The following DNASE1 variants were observed in gnomAD, a reference collection of about 807,000 sequenced individuals.
DNASE1 encodes deoxyribonuclease-1.
In DNASE1, 40 loss-of-function variants were observed where a neutral mutation model predicts 33.9. The ratio of observed to expected loss-of-function variants is 1.18; its 90% CI spans 0.92 to 1.54. The LOEUF (loss-of-function observed/expected upper bound fraction) is 1.54, where lower values mean the gene tolerates loss of function less well. Among genes scored for constraint, DNASE1 ranks in the 40% most tolerant of loss-of-function variants. The pLI is 0.00. For missense variants in DNASE1, 518 were observed against 372.6 expected, an observed-to-expected ratio of 1.39 and a Z score of -3.21; for synonymous variants, 216 against 160.0, an observed-to-expected ratio of 1.35 and a Z score of -2.64.
rs147135526 is a variant in DNASE1, at chr16:3,664,366, C to T, written c.*6413C>T. On this transcript the variant is annotated 3_prime_UTR_variant, in exon 10 of 10. Transcript: ENST00000407479. ...CACAGGTAGTAGATGTTGCGGGTGC[C>T]GGCCCGCATGCGGCTGGCGTATTCT... The T allele has an allele frequency of 7.6e-5, 122 of 1,612,748 alleles. No homozygotes were observed. The highest frequency in any genetic ancestry group is 2.8e-4 in the Admixed American group (17 of 59,818).
chr16:3,653,624 T>C (rs1567205473), upstream of DNASE1: 1 of 151,806 alleles, frequency 6.6e-6, no homozygotes, highest in Admixed American at 6.6e-5. Context: ...GTGACCAACA[T>C]GGTGAAACCC....
chr16:3,613,915 T>TC lies in DNASE1; in HGVS notation c.-1359+1909_-1359+1910insC, dbSNP rs1377545522. ...CGCAACCGCGCCTGGCTAATTTTTT[T>TC]TTTTTTTTTTTTTTTTGGACAAAAT... is the stretch of plus-strand genomic sequence containing the variant. On this transcript the variant is annotated intron_variant and NMD_transcript_variant, in intron 1 of 11. Transcript: ENST00000570769. 3.5e-5 allele frequency among the ~76,000 whole-genome samples: 5 copies of TC among 142,974 alleles called. No homozygotes were observed. In the East Asian group the frequency reaches 1.2e-3, roughly 35 times the overall value. The allele number at this position is 142,974 out of a possible 152,430, so 93.8% of individuals were successfully genotyped here. A position where few individuals can be genotyped will look rare whatever the true frequency, so the allele number is the denominator to read the frequency against.
intron 1 of DNASE1, among the ~76,000 whole-genome samples, chr16:3,636,811 CTCTG>C (rs2041880917): frequency 6.6e-6 from 1 of 151,096 alleles, no homozygotes; most frequent in Admixed American, 6.6e-5. Context: ...CAGAGTGAGA[CTCTG>C]TCTGGGGAAA....
chr16:3,630,097 C>T (rs1021161434), intron 1 of DNASE1, among the ~76,000 whole-genome samples: 33 of 152,138 alleles, frequency 2.2e-4, no homozygotes, highest in Admixed American at 7.9e-4. Flanking sequence ...GGCTTGCAGG[C>T]GTGAGCCACC....
At chr16:3,627,490 C>A (rs994475757) in intron 1 of DNASE1, among the ~76,000 whole-genome samples, 7 of 151,672 alleles carry the variant, frequency 4.6e-5, no homozygotes, top group Non-Finnish European at 8.8e-5. Context: ...TTGCTCAGGC[C>A]CGTCTGGAAC....
Position 3,657,723 on chromosome 16 carries a change from C to G in DNASE1, c.708C>G (p.Ile236Met). The stretch of plus-strand genomic sequence containing the variant: ...TTCTCTTCCCAACACCCATCAGGAT[C>G]GTGGTTGCAGGGATGCTGCTCCGAG... ...ATPTHCAYDR[I>M]VVAGMLLRGA... is the part of the protein sequence containing the mutation. The change falls in exon 8 of 9, where the codon ATC becomes ATG. Residue 236 changes from isoleucine (I) to methionine (M), a missense_variant. Transcript: ENST00000246949. The G allele has an allele frequency of 6.2e-7, 1 of 1,614,026 alleles. No homozygotes were observed. The highest frequency in any genetic ancestry group is 8.5e-7 in the Non-Finnish European group (1 of 1,180,004).
At chr16:3,624,850 G>C (rs985175644) in intron 1 of DNASE1, among the ~76,000 whole-genome samples, 1 of 152,048 alleles carries the variant, frequency 6.6e-6, no homozygotes, top group Non-Finnish European at 1.5e-5. Flanking sequence ...CAGCACACCT[G>C]GCTAATTTTT....
intron 1 of DNASE1, among the ~76,000 whole-genome samples, chr16:3,615,934 C>G (rs1291452587): frequency 6.6e-6 from 1 of 152,186 alleles, no homozygotes; most frequent in Non-Finnish European, 1.5e-5. Context: ...CTGTCCACCT[C>G]CCTCTCCTTT....
Position 3,628,589 on chromosome 16 carries a change from G to A in DNASE1, c.-1358-12126G>A, listed in dbSNP as rs185365574. Among the ~76,000 whole-genome samples, 387 of 150,762 alleles carry A rather than the reference G, an allele frequency of 2.6e-3. 3 individuals carry two copies. The highest frequency in any genetic ancestry group is 9.0e-3 in the African/African-American group (371 of 41,152). ...TCTTTTTTTTTTGAGATGGAATCTC[G>A]CTGTGTCGCCCAGGCTGGAGTGCAG... On this transcript the variant is annotated intron_variant and NMD_transcript_variant, in intron 1 of 11. Transcript: ENST00000570769.
exon 10 of DNASE1, chr16:3,664,063 A>AAAAAAAC: frequency 1.8e-6 from 1 of 544,578 alleles, no homozygotes; most frequent in South Asian, 2.8e-5. Flanking sequence ...ACTCCATCTC[A>AAAAAAAC]AAAAAACAAA....
upstream of DNASE1, chr16:3,650,757 G>A (rs948776273): frequency 1.3e-5 from 2 of 152,172 alleles, no homozygotes; most frequent in African/African-American, 4.8e-5. Flanking sequence ...TATTTGTTTA[G>A]TCATGGGATG....
upstream of DNASE1, among the ~76,000 whole-genome samples, chr16:3,649,837 C>T (rs564671358): frequency 2.6e-5 from 4 of 151,030 alleles, no homozygotes; most frequent in Admixed American, 6.6e-5. Context: ...TAAGTTAAAT[C>T]GGTAGAAATT....
chr16:3,662,030 C>T (rs760656999), downstream of DNASE1: 3 of 1,613,064 alleles, frequency 1.9e-6, no homozygotes, highest in East Asian at 2.2e-5. Flanking sequence ...TGTGCGCGCT[C>T]CTCCTGGGTC....
Position 3,657,618 on chromosome 16 carries a change from C to G in DNASE1, c.705-102C>G, listed in dbSNP as rs752448747. The G allele has an allele frequency of 1.5e-5, 23 of 1,514,130 alleles. No homozygotes were observed. The African/African-American group carries it at 2.2e-4, about 15-fold the overall frequency. The allele number at this position is 1,514,130 out of a possible 1,614,324, so 93.8% of individuals were successfully genotyped here. Reference sequence around the variant, plus strand: ...TGTGCAGTTTTGGGCACCCACAGACCTGCACTGGCAGGTCCCAGGGCTCTT... The same window carrying G: ...TGTGCAGTTTTGGGCACCCACAGACGTGCACTGGCAGGTCCCAGGGCTCTT... On this transcript the variant is annotated intron_variant, in intron 7 of 8. Transcript: ENST00000246949.
intron 1 of DNASE1, among the ~76,000 whole-genome samples, chr16:3,646,218 G>T (rs1187132971): frequency 1.3e-5 from 2 of 152,124 alleles, no homozygotes; most frequent in South Asian, 2.1e-4. Context: ...TTTCTCTGGG[G>T]GGGGTCTGCG....
intron 1 of DNASE1, 129 bp downstream of exon 1, chr16:3,655,173 G>A: frequency 1.4e-6 from 1 of 694,912 alleles, no homozygotes; most frequent in Non-Finnish European, 2.4e-6. Flanking sequence ...TTTTCTGGTG[G>A]ATGGAGGAGT....
intron 1 of DNASE1, among the ~76,000 whole-genome samples, chr16:3,646,581 GGCAGA>G (rs1235601826): frequency 6.6e-6 from 1 of 152,186 alleles, no homozygotes; most frequent in African/African-American, 2.4e-5. Flanking sequence ...CAGCTCTGCA[GGCAGA>G]GCGGAAGGCT....
intron 4 of DNASE1, 40 bp downstream of exon 4, chr16:3,656,225 G>A: frequency 6.3e-7 from 1 of 1,596,112 alleles, no homozygotes; most frequent in Admixed American, 1.7e-5. Context: ...TCCCTCACCT[G>A]GGAGGGCCCC....
At chr16:3,627,849 G>C (rs1281632506) in intron 1 of DNASE1, among the ~76,000 whole-genome samples, 1 of 147,028 alleles carries the variant, frequency 6.8e-6, no homozygotes, top group Non-Finnish European at 1.5e-5. Context: ...TGTGAATCCT[G>C]AATCTGTTTT....
Sources: allele counts gnomAD v4.1 joint callset (sites outside exome capture counted in the v4.1 genomes callset), GRCh38; gene constraint gnomAD v4.1.1; transcripts MANE v1.5; gene names NCBI Gene and HGNC (gene_info 2026-07-23, HGNC 2026-07-21).